CDYL2: variants seen among roughly 807,000 people sequenced by gnomAD.
CDYL2 encodes chromodomain Y-like protein 2.
Under a neutral mutation model 49.4 loss-of-function variants are expected in CDYL2, and 23 were observed. The ratio of observed to expected loss-of-function variants is 0.47; its 90% confidence interval spans 0.34 to 0.66. The LOEUF is 0.66. CDYL2 is among the 30% of genes least tolerant of loss of function. The pLI is 0.01. For synonymous variants in CDYL2, 360 were observed against 268.8 expected (o/e 1.34, Z -3.32); for missense variants, 678 against 656.4 (o/e 1.03, Z -0.36).
chr16:80,619,338 T>C (rs1286308797), intron 4 of CDYL2, among the ~76,000 whole-genome samples: 3 of 152,186 alleles, frequency 2.0e-5, no homozygotes, highest in African/African-American at 7.2e-5. Flanking sequence ...GGGGCCACAC[T>C]TCAACTCACT....
chr16:80,684,782 G>A lies in CDYL2; in HGVS notation c.372C>T (p.Pro124=), dbSNP rs372742877. The change falls in exon 2 of 7, where the codon CCC becomes CCT. Residue 124 remains proline, a synonymous_variant. Transcript: ENST00000570137. ...AKPKKGYSGK[P]SSGGDRATKT... is the part of the protein sequence containing the mutation. Reference sequence around the variant, plus strand: ...TGGTGGCCCTGTCACCTCCTGAAGAGGGCTTGCCTGAATACCCTTTTTTTG... The same window carrying A: ...TGGTGGCCCTGTCACCTCCTGAAGAAGGCTTGCCTGAATACCCTTTTTTTG... The A allele has an allele frequency of 1.2e-6, 2 of 1,614,096 alleles. No homozygotes were observed. Among genetic ancestry groups the A allele is most frequent in the Non-Finnish European group, 1.7e-6 (2 of 1,180,056 alleles).
At chr16:80,658,105 T>C (rs907493002) in intron 2 of CDYL2, among the ~76,000 whole-genome samples, 1 of 147,156 alleles carries the variant, frequency 6.8e-6, no homozygotes, top group South Asian at 2.1e-4. Flanking sequence ...TGCTTTTTTT[T>C]CCAAAAAAAA....
At chr16:80,617,955 A>G (rs1318952161) in intron 4 of CDYL2, among the ~76,000 whole-genome samples, 1 of 152,084 alleles carries the variant, frequency 6.6e-6, no homozygotes, top group Admixed American at 6.5e-5. Context: ...AGCCTAAATA[A>G]CTCAGAGTCC....
At chr16:80,665,505 T>TAAAAAAAAAAAA (rs35248259) in intron 2 of CDYL2, among the ~76,000 whole-genome samples, 2 of 121,632 alleles carry the variant, frequency 1.6e-5, no homozygotes, top group African/African-American at 6.6e-5. Context: ...TTTTTGCCAT[T>TAAAAAAAAAAAA]AAAAAAAAAA....
At position 80,792,985 on chromosome 16, in the gene CDYL2, C is replaced by A. The variant is rs1907657583; in HGVS notation, c.24+11165G>T. Among the ~76,000 whole-genome samples, 3 of 152,312 alleles carry A rather than the reference C, an allele frequency of 2.0e-5. No individual in the cohort carries two copies. In the South Asian group the frequency reaches 6.2e-4, roughly 32 times the overall value. ...GCTCCAGAGCTGCCCATAGAATCAG[C>A]TGAGATCTTAGTTGTAACCTCAATG... On this transcript the variant is annotated intron_variant, in intron 1 of 6. Coordinates refer to ENST00000570137, the MANE Select transcript of CDYL2 (RefSeq NM_152342.4).
intron 1 of CDYL2, among the ~76,000 whole-genome samples, chr16:80,715,681 T>C (rs1037771920): frequency 6.6e-6 from 1 of 152,108 alleles, no homozygotes; most frequent in Non-Finnish European, 1.5e-5. Context: ...AAACCCTCCA[T>C]TGCTCAAATG....
intron 2 of CDYL2, chr16:80,671,028 T>A: frequency 2.2e-6 from 1 of 455,770 alleles, no homozygotes; most frequent in Non-Finnish European, 4.4e-6. Context: ...TCTAGGGTTG[T>A]GACTTTCCTC....
chr16:80,629,161 T>A (rs761885264), intron 3 of CDYL2, among the ~76,000 whole-genome samples: 1 of 151,846 alleles, frequency 6.6e-6, no homozygotes. Flanking sequence ...ACACATTTGG[T>A]TGGGGAGGGG....
intron 1 of CDYL2, among the ~76,000 whole-genome samples, chr16:80,753,317 AT>A (rs775306040): frequency 3.0e-4 from 46 of 152,286 alleles, no homozygotes; most frequent in Non-Finnish European, 6.2e-4. Flanking sequence ...TATTAAAAAA[AT>A]CAATTCCAGG....
chr16:80,661,536 G>C (rs1909044311), intron 2 of CDYL2, among the ~76,000 whole-genome samples: 1 of 152,094 alleles, frequency 6.6e-6, no homozygotes, highest in Admixed American at 6.5e-5. Context: ...CAAAACCCAA[G>C]GCCATGCCAC....
intron 2 of CDYL2, among the ~76,000 whole-genome samples, chr16:80,664,026 G>C (rs551123733): frequency 2.9e-5 from 3 of 105,128 alleles, no homozygotes; most frequent in Non-Finnish European, 5.1e-5. Context: ...AACTCCAAAA[G>C]CTCTATTATG....
chr16:80,803,018 C>T (rs1478730770), intron 1 of CDYL2, among the ~76,000 whole-genome samples: 1 of 152,328 alleles, frequency 6.6e-6, no homozygotes, highest in East Asian at 1.9e-4. Flanking sequence ...GCTGGTTTCA[C>T]GGAGGCCCAG....
At chr16:80,668,814 A>T (rs1210614214) in intron 2 of CDYL2, among the ~76,000 whole-genome samples, 1 of 152,008 alleles carries the variant, frequency 6.6e-6, no homozygotes, top group Non-Finnish European at 1.5e-5. Context: ...CAGGACAACC[A>T]CTTGAACCCA....
intron 1 of CDYL2, among the ~76,000 whole-genome samples, chr16:80,695,598 G>T (rs1439761615): frequency 1.3e-5 from 2 of 151,948 alleles, no homozygotes; most frequent in Non-Finnish European, 2.9e-5. Context: ...GAGCAGAAGT[G>T]GTTATATTTA....
rs556833800 is a variant in CDYL2 at position 80,678,422 on chromosome 16, A to C, written c.616+6116T>G. Among the ~76,000 whole-genome samples the C allele has an allele frequency of 9.0e-3, 1,377 of 152,266 alleles. 26 individuals carry two copies. The highest frequency in any genetic ancestry group is 0.031 in the African/African-American group (1,297 of 41,528). On this transcript the variant is annotated intron_variant, in intron 2 of 6. Coordinates refer to ENST00000570137, the MANE Select transcript of CDYL2 (RefSeq NM_152342.4). ...ACTCAAACAAATTTACAAGAGAAAA[A>C]CAAACAACCCCATCAAAAAGTGGGC...
chr16:80,609,349 T>C (rs1906491179), intron 5 of CDYL2, among the ~76,000 whole-genome samples: 1 of 152,188 alleles, frequency 6.6e-6, no homozygotes, highest in African/African-American at 2.4e-5. Flanking sequence ...TCCTCTCGGG[T>C]TGACGCTGAA....
rs1015018813 is a variant in CDYL2, at chr16:80,692,204, G to C, written c.25-7075C>G. ...GAAGACTTCACTGACGGGGGAAGGA[G>C]AGTTTGAGAATAGATCAACTTTATT... On this transcript the variant is annotated intron_variant, in intron 1 of 6. Coordinates refer to ENST00000570137, the MANE Select transcript of CDYL2 (RefSeq NM_152342.4). Among the ~76,000 whole-genome samples the C allele has an allele frequency of 2.6e-5, 4 of 152,274 alleles. 1 individual carries two copies. Among genetic ancestry groups the C allele is most frequent in the East Asian group, 3.9e-4 (2 of 5,184 alleles).
chr16:80,779,890 A>C (rs1289938803), intron 1 of CDYL2, among the ~76,000 whole-genome samples: 2 of 152,148 alleles, frequency 1.3e-5, no homozygotes, highest in African/African-American at 4.8e-5. Context: ...TGTATTTTCT[A>C]TATTTTTTAA....
At chr16:80,634,430 G>C (rs1477526585) in intron 2 of CDYL2, among the ~76,000 whole-genome samples, 2 of 152,176 alleles carry the variant, frequency 1.3e-5, no homozygotes, top group African/African-American at 2.4e-5. Context: ...CTCACACATA[G>C]GTGGGAATTG....
Sources: gnomAD v4.1 joint callset for allele counts (sites outside exome capture counted in the v4.1 genomes callset) on GRCh38, gnomAD v4.1.1 for gene constraint, MANE v1.5 for transcripts, NCBI Gene and HGNC (gene_info 2026-07-23, HGNC 2026-07-21) for gene names.